SLC7A14: variants seen among roughly 807,000 people sequenced by gnomAD.
SLC7A14 encodes solute carrier family 7 member 14.
Under a neutral mutation model 60.2 loss-of-function variants are expected in SLC7A14, and 37 were observed. The ratio of observed to expected loss-of-function variants is 0.61; its 90% CI spans 0.47 to 0.81. SLC7A14 has a LOEUF of 0.81. Ranked by LOEUF, SLC7A14 falls within the 30% of genes least tolerant of loss-of-function variation. The pLI is 0.00. For synonymous variants in SLC7A14, 399 were observed against 395.8 expected (o/e 1.01, Z -0.10); for missense variants, 886 against 982.7 (o/e 0.90, Z 1.32).
chr3:170,492,985 T>C (rs1287488702), intron 4 of SLC7A14, among the ~76,000 whole-genome samples: 1 of 152,202 alleles, frequency 6.6e-6, no homozygotes, highest in Non-Finnish European at 1.5e-5. Context: ...GTGGAGAACA[T>C]GAAAAACAAC....
chr3:170,471,925 C>T (rs73040369), intron 7 of SLC7A14, among the ~76,000 whole-genome samples: 8,883 of 152,084 alleles, frequency 0.058, 770 homozygotes, highest in African/African-American at 0.19. Context: ...GGTGTGATGG[C>T]AAAAATCAGA....
intron 1 of SLC7A14, among the ~76,000 whole-genome samples, chr3:170,580,451 A>G (rs1189943790): frequency 1.3e-5 from 2 of 152,216 alleles, no homozygotes; most frequent in African/African-American, 2.4e-5. Flanking sequence ...ATGACGCCCA[A>G]CAACATATGT....
At chr3:170,566,698 A>G (rs1240502547) in intron 1 of SLC7A14, among the ~76,000 whole-genome samples, 3 of 152,282 alleles carry the variant, frequency 2.0e-5, no homozygotes, top group Middle Eastern at 6.8e-3. Flanking sequence ...CCCGGAAGAG[A>G]TGAGTTTCAC....
chr3:170,565,422 T>G (rs575145315), intron 1 of SLC7A14, among the ~76,000 whole-genome samples: 1 of 152,234 alleles, frequency 6.6e-6, no homozygotes, highest in African/African-American at 2.4e-5. Flanking sequence ...GATAAAAGAC[T>G]GGGGGCTGCA....
At chr3:170,570,634 A>G (rs937410522) in intron 1 of SLC7A14, among the ~76,000 whole-genome samples, 1 of 152,162 alleles carries the variant, frequency 6.6e-6, no homozygotes, top group African/African-American at 2.4e-5. Context: ...AAACTGAGAA[A>G]GAGACAACTA....
chr3:170,542,673 G>A (rs149933698), intron 1 of SLC7A14, among the ~76,000 whole-genome samples: 11 of 152,342 alleles, frequency 7.2e-5, no homozygotes, highest in South Asian at 4.1e-4. Context: ...AGTGAAAGCC[G>A]TGGGTTGTGT....
At chr3:170,500,158 A>G (rs1712558460) in intron 3 of SLC7A14, among the ~76,000 whole-genome samples, 1 of 152,072 alleles carries the variant, frequency 6.6e-6, no homozygotes, top group Non-Finnish European at 1.5e-5. Flanking sequence ...CAAGATGGAG[A>G]GTGGCCGGGC....
At chr3:170,575,950 C>T (rs1715079514) in intron 1 of SLC7A14, among the ~76,000 whole-genome samples, 1 of 152,202 alleles carries the variant, frequency 6.6e-6, no homozygotes, top group Non-Finnish European at 1.5e-5. Flanking sequence ...TCAGTCCTTC[C>T]AGTATGACCT....
chr3:170,540,783 A>C lies in SLC7A14; in HGVS notation c.-152-13695T>G, dbSNP rs576319612. Reference sequence around the variant, plus strand: ...TGTTGTCTGGTGACTTTTTAAATGAATATCCAGCCTTCAAGCTATTCAACT... The same window carrying C: ...TGTTGTCTGGTGACTTTTTAAATGACTATCCAGCCTTCAAGCTATTCAACT... On this transcript the variant is annotated intron_variant, in intron 1 of 7. Coordinates refer to ENST00000231706, the MANE Select transcript of SLC7A14 (RefSeq NM_020949.3). 3.9e-5 allele frequency among the ~76,000 whole-genome samples: 6 copies of C among 152,334 alleles called. No homozygotes were observed. The East Asian group carries it at 1.2e-3, about 29-fold the overall frequency.
intron 1 of SLC7A14, among the ~76,000 whole-genome samples, chr3:170,536,337 C>A (rs1016749464): frequency 2.4e-4 from 37 of 152,032 alleles, no homozygotes; most frequent in Non-Finnish European, 1.0e-4. Context: ...GCTTTGCTTG[C>A]CAAAGAAGAA....
chr3:170,506,355 A>G (rs1712779874), intron 2 of SLC7A14, among the ~76,000 whole-genome samples: 1 of 152,216 alleles, frequency 6.6e-6, no homozygotes, highest in Admixed American at 6.5e-5. Context: ...ATATTTCTAT[A>G]CCCAGAACTA....
At chr3:170,515,329 A>ATAT (rs1553869899) in intron 2 of SLC7A14, among the ~76,000 whole-genome samples, 6 of 144,072 alleles carry the variant, frequency 4.2e-5, no homozygotes, top group Admixed American at 1.4e-4. Flanking sequence ...CCAAAAAAAA[A>ATAT]ATATATATAT....
chr3:170,495,768 CG>C, intron 4 of SLC7A14: 1 of 1,169,640 alleles, frequency 8.5e-7, no homozygotes, highest in South Asian at 1.2e-5. Context: ...CGACAAGGTA[CG>C]GTTCCTGCAG....
At chr3:170,518,269 C>T (rs894199082) in intron 2 of SLC7A14, among the ~76,000 whole-genome samples, 2 of 152,176 alleles carry the variant, frequency 1.3e-5, no homozygotes, top group Admixed American at 6.5e-5. Flanking sequence ...TGGTCTTCTT[C>T]GCTAGAGTTT....
chr3:170,575,290 T>C (rs1387639873), intron 1 of SLC7A14, among the ~76,000 whole-genome samples: 3 of 152,200 alleles, frequency 2.0e-5, no homozygotes, highest in Non-Finnish European at 4.4e-5. Context: ...ATGAACAGCA[T>C]ATTATTTACA....
Position 170,527,023 on chromosome 3 carries a change from A to G in SLC7A14, c.-87T>C. ...GATGGTTCTGGAACTCATCTAGTGA[A>G]CAGGGATCTCCCTTTTAGGAAAGGC... On this transcript the variant is annotated 5_prime_UTR_variant, in exon 2 of 8. Transcript: ENST00000231706. 2 of 1,401,988 alleles carry G rather than the reference A, an allele frequency of 1.4e-6. No homozygotes were observed. Among genetic ancestry groups the G allele is most frequent in the South Asian group, 2.8e-5 (2 of 70,674 alleles). 86.8% of individuals were successfully genotyped at this position (1,401,988 alleles called of 1,614,324 possible).
chr3:170,517,753 C>T (rs1274239283), intron 2 of SLC7A14, among the ~76,000 whole-genome samples: 7 of 152,180 alleles, frequency 4.6e-5, no homozygotes, highest in Non-Finnish European at 1.0e-4. Flanking sequence ...CTCTTACCTC[C>T]TCCCTAGGGA....
In SLC7A14 at chr3:170,498,602, A is replaced by C. The variant is rs959599427; in HGVS notation, c.759+65T>G. 20 of 1,438,312 alleles carry C rather than the reference A, an allele frequency of 1.4e-5. No homozygotes were observed. The Admixed American group carries it at 2.6e-4, about 18-fold the overall frequency. The allele number at this position is 1,438,312 out of a possible 1,614,324, so 89.1% of individuals were successfully genotyped here. On this transcript the variant is annotated intron_variant, in intron 4 of 7. Transcript: ENST00000231706. ...CAGCATTTTCTTGAAAATATGTCTT[A>C]GGTTGGTCACAGGGTAGAAGGCAGA...
chr3:170,583,350 A>G (rs1715288347), intron 1 of SLC7A14, among the ~76,000 whole-genome samples: 1 of 152,220 alleles, frequency 6.6e-6, no homozygotes, highest in South Asian at 2.1e-4. Flanking sequence ...AAGAGCTGGA[A>G]GACAAAGGAG....
Sources: gnomAD v4.1 joint callset for allele counts (sites outside exome capture counted in the v4.1 genomes callset) on GRCh38, gnomAD v4.1.1 for gene constraint, MANE v1.5 for transcripts, NCBI Gene and HGNC (gene_info 2026-07-23, HGNC 2026-07-21) for gene names.